Variants in CEMIP2 observed in about 807,000 individuals in gnomAD.
CEMIP2 encodes the protein cell migration inducing hyaluronidase 2, also known as cell surface hyaluronidase CEMIP2.
A neutral mutation model predicts 146.9 loss-of-function variants in CEMIP2; 79 were observed. The ratio of observed to expected loss-of-function variants is 0.54; its 90% CI spans 0.45 to 0.65. CEMIP2 has a LOEUF of 0.65. Ranked by LOEUF, CEMIP2 falls within the 30% of genes least tolerant of loss-of-function variation. CEMIP2 has a pLI of 0.00. For synonymous variants in CEMIP2, 601 were observed against 606.3 expected (o/e 0.99, Z 0.13); for missense variants, 1,596 against 1,696.2 (o/e 0.94, Z 1.04).
At chr9:71,707,912 C>A (rs1822797434) in intron 17 of CEMIP2, among the ~76,000 whole-genome samples, 1 of 152,166 alleles carries the variant, frequency 6.6e-6, no homozygotes, top group Non-Finnish European at 1.5e-5. Flanking sequence ...CCTGGCCGGG[C>A]GCGGTGGCTC....
intron 1 of CEMIP2, among the ~76,000 whole-genome samples, chr9:71,758,453 G>C (rs1205379680): frequency 6.6e-6 from 1 of 152,160 alleles, no homozygotes; most frequent in African/African-American, 2.4e-5. Context: ...CTAGAAATTG[G>C]AGAAAGAATG....
chr9:71,689,388 C>T lies in CEMIP2; in HGVS notation c.3851+704G>A, dbSNP rs533054548. Reference sequence around the variant, plus strand: ...CGGGTGTATAAATCAACATCTGCGGCAAAGGCAGAAAACACCCTGAGTTCA... The same window carrying T: ...CGGGTGTATAAATCAACATCTGCGGTAAAGGCAGAAAACACCCTGAGTTCA... On this transcript the variant is annotated intron_variant, in intron 22 of 23. Coordinates refer to ENST00000377044, the MANE Select transcript of CEMIP2 (RefSeq NM_013390.3). Among the ~76,000 whole-genome samples the T allele has an allele frequency of 6.3e-4, 96 of 152,310 alleles. 1 individual carries two copies. The highest frequency in any genetic ancestry group is 3.4e-3 in the Middle Eastern group (1 of 294).
rs1824206484 is a variant in CEMIP2 at position 71,750,202 on chromosome 9, C to T, written c.172G>A (p.Ala58Thr). The change falls in exon 2 of 24, where the codon GCA becomes ACA. Residue 58 changes from alanine to threonine, a missense_variant. Transcript: ENST00000377044. ...TCTTCAGGTGAGAATGCGAAGGTTG[C>T]CCGGTCTTCTCGTCTGATGGAGGTA... ...KFTSIRREDR[A>T]TFAFSPEEQQ... The T allele has an allele frequency of 6.2e-7, 1 of 1,614,072 alleles. No individual in the cohort carries two copies.
intron 5 of CEMIP2, among the ~76,000 whole-genome samples, chr9:71,736,044 C>T (rs1325610207): frequency 6.6e-6 from 1 of 152,118 alleles, no homozygotes; most frequent in Non-Finnish European, 1.5e-5. Flanking sequence ...CAGTGAGCCA[C>T]GACTGTGCCA....
chr9:71,709,396 A>T lies in CEMIP2; in HGVS notation c.2848T>A (p.Phe950Ile). The change falls in exon 17 of 24, where the codon TTC becomes ATC. Residue 950 changes from phenylalanine (F) to isoleucine (I), a missense_variant. Phe to Ile is a conservative substitution (Grantham distance 21, BLOSUM62 0). Coordinates refer to ENST00000377044, the MANE Select transcript of CEMIP2 (RefSeq NM_013390.3). Reference sequence around the variant, plus strand: ...GTCACAGAGCCATCAATGTCATGGAATATGGAGTTCTTATCACCATCCATC... The same window carrying T: ...GTCACAGAGCCATCAATGTCATGGATTATGGAGTTCTTATCACCATCCATC... ...CEMDGDKNSI[F>I]HDIDGSVTGY... The T allele has an allele frequency of 1.2e-6, 2 of 1,614,212 alleles. No individual in the cohort carries two copies. Among genetic ancestry groups the T allele is most frequent in the Non-Finnish European group, 1.7e-6 (2 of 1,180,020 alleles).
intron 14 of CEMIP2, among the ~76,000 whole-genome samples, 175 bp downstream of exon 14, chr9:71,716,342 A>G (rs1823056470): frequency 9.0e-6 from 1 of 111,202 alleles, no homozygotes; most frequent in Non-Finnish European, 2.1e-5. Context: ...TATGAATTCA[A>G]TTAATCCAGA....
intron 21 of CEMIP2, among the ~76,000 whole-genome samples, chr9:71,692,170 A>G (rs1333916195): frequency 6.6e-6 from 1 of 151,886 alleles, no homozygotes; most frequent in Non-Finnish European, 1.5e-5. Context: ...ATCTTAGGGA[A>G]GAGTTTTCAG....
intron 1 of CEMIP2, among the ~76,000 whole-genome samples, chr9:71,760,870 A>G (rs1824613281): frequency 6.6e-6 from 1 of 152,238 alleles, no homozygotes; most frequent in Non-Finnish European, 1.5e-5. Flanking sequence ...TGTACCTACC[A>G]GTCATTCTCT....
rs180998270 is a variant in CEMIP2 at position 71,698,582 on chromosome 9, T to C, written c.3378-378A>G. On this transcript the variant is annotated intron_variant, in intron 19 of 23. Coordinates refer to ENST00000377044, the MANE Select transcript of CEMIP2 (RefSeq NM_013390.3). ...GGTAAATTAGTGTGGTTCATTCTTT[T>C]TGTTGTTCTCATTCATAAATCATTT... Among the ~76,000 whole-genome samples, 4 of 141,906 alleles carry C rather than the reference T, an allele frequency of 2.8e-5. No individual in the cohort carries two copies. In the East Asian group the frequency reaches 8.6e-4, roughly 30 times the overall value. 93.1% of individuals were successfully genotyped at this position (141,906 alleles called of 152,430 possible).
chr9:71,758,321 A>C (rs1824525927), intron 1 of CEMIP2, among the ~76,000 whole-genome samples: 1 of 152,226 alleles, frequency 6.6e-6, no homozygotes, highest in African/African-American at 2.4e-5. Flanking sequence ...CTGAAAAATC[A>C]ACTCACAAAA....
At chr9:71,702,279 A>T (rs941519861) in intron 18 of CEMIP2, among the ~76,000 whole-genome samples, 2 of 125,304 alleles carry the variant, frequency 1.6e-5, no homozygotes, top group African/African-American at 5.7e-5. Context: ...AAAAAAAAAA[A>T]ATATTGTTCA....
intron 10 of CEMIP2, among the ~76,000 whole-genome samples, chr9:71,728,014 T>C (rs1402078075): frequency 6.6e-6 from 1 of 151,400 alleles, no homozygotes; most frequent in Non-Finnish European, 1.5e-5. Context: ...TGAGCCAACA[T>C]TGCGCCACTG....
At chr9:71,723,199 A>T (rs941001663) in intron 11 of CEMIP2, among the ~76,000 whole-genome samples, 11 of 151,550 alleles carry the variant, frequency 7.3e-5, no homozygotes, top group African/African-American at 2.4e-4. Flanking sequence ...AGGAAATATA[A>T]TGGAGAAGGC....
intron 18 of CEMIP2, 116 bp downstream of exon 18, chr9:71,704,479 G>T: frequency 1.9e-6 from 2 of 1,036,392 alleles, no homozygotes; most frequent in Non-Finnish European, 2.9e-6. Flanking sequence ...CACAAGAGAA[G>T]CAAAGTATGT....
chr9:71,697,912 A>T, intron 20 of CEMIP2, 73 bp downstream of exon 20: 1 of 1,463,172 alleles, frequency 6.8e-7, no homozygotes, highest in South Asian at 1.3e-5. Context: ...GTTTCAAAGA[A>T]AAGTGCTCCT....
At chr9:71,769,025 G>C (rs549792460), upstream of CEMIP2, 1 of 152,172 alleles carries the variant, frequency 6.6e-6, no homozygotes, top group Non-Finnish European at 1.5e-5. Flanking sequence ...CTGCGAAAGC[G>C]GAGGCTCAGC....
intron 18 of CEMIP2, among the ~76,000 whole-genome samples, chr9:71,701,238 T>C (rs1563998468): frequency 6.6e-6 from 1 of 152,134 alleles, no homozygotes; most frequent in Non-Finnish European, 1.5e-5. Flanking sequence ...CTCGAGTAGC[T>C]GGGATTACAG....
chr9:71,701,334 G>A (rs1381136729), intron 18 of CEMIP2, among the ~76,000 whole-genome samples: 2 of 152,144 alleles, frequency 1.3e-5, no homozygotes, highest in Non-Finnish European at 2.9e-5. Flanking sequence ...TCGAACTCCT[G>A]ACCTCAAGTG....
chr9:71,751,867 A>T (rs1044268501), intron 1 of CEMIP2, among the ~76,000 whole-genome samples: 4 of 152,146 alleles, frequency 2.6e-5, no homozygotes, highest in Non-Finnish European at 4.4e-5. Context: ...TATCTGTGTT[A>T]TCACTTAACG....
Sources: gnomAD v4.1 joint callset for allele counts (sites outside exome capture counted in the v4.1 genomes callset) on GRCh38, gnomAD v4.1.1 for gene constraint, MANE v1.5 for transcripts, NCBI Gene and HGNC (gene_info 2026-07-23, HGNC 2026-07-21) for gene names.